Variants in ADAMTSL3 observed in about 807,000 individuals in gnomAD.
The protein encoded by ADAMTSL3 is ADAMTS like 3, also known as ADAMTS-like protein 3.
ADAMTSL3 carries 128 observed loss-of-function variants against 201.7 expected under a neutral mutation model. The ratio of observed to expected loss-of-function variants is 0.63; its 90% CI spans 0.55 to 0.73. The LOEUF is 0.73. Among genes scored for constraint, ADAMTSL3 ranks in the 30% least tolerant of loss-of-function variants. ADAMTSL3 has a pLI of 0.00. For synonymous variants in ADAMTSL3, 738 were observed against 748.4 expected (o/e 0.99, Z 0.23); for missense variants, 1,990 against 2,119.6 (o/e 0.94, Z 1.20).
At position 83,794,544 on chromosome 15, in the gene ADAMTSL3, T is replaced by C. The variant is rs142520630; in HGVS notation, c.318-10106T>C. ...TCTCCAGAAAATTACAATGAAGTTA[T>C]AAAAATCCAATCTCTAAAGCTTACA... On this transcript the variant is annotated intron_variant, in intron 4 of 29. Coordinates refer to ENST00000286744, the MANE Select transcript of ADAMTSL3 (RefSeq NM_207517.3). 3.1e-3 allele frequency among the ~76,000 whole-genome samples: 475 copies of C among 152,226 alleles called. 1 individual carries two copies. The highest frequency in any genetic ancestry group is 0.011 in the African/African-American group (458 of 41,544).
At chr15:83,835,456 C>T (rs2064249692) in intron 6 of ADAMTSL3, among the ~76,000 whole-genome samples, 1 of 152,096 alleles carries the variant, frequency 6.6e-6, no homozygotes, top group Non-Finnish European at 1.5e-5. Flanking sequence ...AAGCAAATAT[C>T]AGTGCTCAGG....
intron 6 of ADAMTSL3, among the ~76,000 whole-genome samples, chr15:83,826,997 A>G (rs1173500772): frequency 6.6e-6 from 1 of 152,170 alleles, no homozygotes; most frequent in Non-Finnish European, 1.5e-5. Flanking sequence ...TTATAGCAGC[A>G]TGATTTATAA....
chr15:83,822,108 C>T (rs577667066), intron 6 of ADAMTSL3, among the ~76,000 whole-genome samples: 14 of 144,160 alleles, frequency 9.7e-5, no homozygotes, highest in East Asian at 4.4e-4. Flanking sequence ...CCGGACGGGG[C>T]GCCTGGCCGG....
chr15:83,886,713 G>T (rs1232626060), intron 10 of ADAMTSL3, among the ~76,000 whole-genome samples: 1 of 152,118 alleles, frequency 6.6e-6, no homozygotes, highest in Non-Finnish European at 1.5e-5. Flanking sequence ...AATTTACTTA[G>T]AGTCAGAAAC....
chr15:83,704,910 G>T (rs981823265), intron 3 of ADAMTSL3, among the ~76,000 whole-genome samples: 13 of 151,904 alleles, frequency 8.6e-5, no homozygotes, highest in African/African-American at 2.9e-4. Flanking sequence ...TTTTCCCCAA[G>T]ATTACTTTTC....
intron 7 of ADAMTSL3, among the ~76,000 whole-genome samples, chr15:83,854,609 G>A (rs898234830): frequency 5.9e-5 from 9 of 152,100 alleles, no homozygotes; most frequent in African/African-American, 2.2e-4. Context: ...AAATATTCTG[G>A]CTTGCAACAG....
At chr15:83,976,665 T>C (rs2067293912) in intron 20 of ADAMTSL3, among the ~76,000 whole-genome samples, 2 of 151,780 alleles carry the variant, frequency 1.3e-5, no homozygotes, top group Non-Finnish European at 2.9e-5. Context: ...ACGTGCACAG[T>C]TCACAGTAGG....
At chr15:84,034,339 A>G (rs1046413999) in intron 28 of ADAMTSL3, among the ~76,000 whole-genome samples, 2 of 152,142 alleles carry the variant, frequency 1.3e-5, no homozygotes, top group African/African-American at 2.4e-5. Context: ...AGGAAATGTT[A>G]GAGAGTGTTG....
At chr15:83,714,866 CT>C (rs2061989180) in intron 3 of ADAMTSL3, among the ~76,000 whole-genome samples, 1 of 19,546 alleles carries the variant, frequency 5.1e-5, no homozygotes, top group Non-Finnish European at 7.4e-5. Context: ...CCCTCCCTCC[CT>C]CCCTCCCTCC....
At chr15:83,826,741 A>G (rs1169923020) in intron 6 of ADAMTSL3, among the ~76,000 whole-genome samples, 1 of 144,454 alleles carries the variant, frequency 6.9e-6, no homozygotes, top group Non-Finnish European at 1.5e-5. Flanking sequence ...GTTCCCACCT[A>G]TGAGTGAGAA....
chr15:83,753,035 A>G (rs1269199623), intron 3 of ADAMTSL3, among the ~76,000 whole-genome samples: 1 of 152,116 alleles, frequency 6.6e-6, no homozygotes, highest in Non-Finnish European at 1.5e-5. Context: ...TTTATCTTCC[A>G]GTGAGATTAA....
intron 7 of ADAMTSL3, among the ~76,000 whole-genome samples, chr15:83,841,566 C>T (rs958140864): frequency 7.9e-5 from 12 of 151,898 alleles, no homozygotes; most frequent in East Asian, 1.9e-4. Context: ...CTCCAAATAG[C>T]GTAGTAACTA....
chr15:83,729,482 G>A (rs1259434731), intron 3 of ADAMTSL3, among the ~76,000 whole-genome samples: 1 of 151,212 alleles, frequency 6.6e-6, no homozygotes, highest in Non-Finnish European at 1.5e-5. Context: ...TTTTCAAATA[G>A]CCTGTCTTCA....
intron 9 of ADAMTSL3, among the ~76,000 whole-genome samples, chr15:83,876,879 A>G (rs557625872): frequency 1.4e-4 from 21 of 152,262 alleles, no homozygotes; most frequent in African/African-American, 5.1e-4. Context: ...TGCAACCTCC[A>G]CCTCATGGGT....
intron 2 of ADAMTSL3, among the ~76,000 whole-genome samples, chr15:83,690,099 A>G (rs1361113349): frequency 6.6e-6 from 1 of 152,050 alleles, no homozygotes; most frequent in Non-Finnish European, 1.5e-5. Context: ...GTTCTGAGAT[A>G]TGTTATTTTG....
chr15:83,975,159 G>A (rs1397654963), intron 20 of ADAMTSL3, among the ~76,000 whole-genome samples: 7 of 152,034 alleles, frequency 4.6e-5, no homozygotes, highest in East Asian at 3.9e-4. Context: ...CTGCTACCAT[G>A]CCCGGCTAAT....
intron 4 of ADAMTSL3, among the ~76,000 whole-genome samples, chr15:83,774,937 C>A (rs868723025): frequency 2.6e-5 from 4 of 151,852 alleles, no homozygotes; most frequent in Middle Eastern, 3.4e-3. Flanking sequence ...ACCTCTGTCT[C>A]CCAGGTTCAC....
In ADAMTSL3 at chr15:83,892,794, A is replaced by T; in HGVS notation, c.1373A>T (p.Glu458Val). 6.2e-7 allele frequency: 1 copy of T among 1,614,160 alleles called. No homozygotes were observed. The highest frequency in any genetic ancestry group is 8.5e-7 in the Non-Finnish European group (1 of 1,180,010). The change falls in exon 13 of 30, where the codon GAA (glutamate) becomes GTA (valine). Residue 458 changes from glutamate (E) to valine (V), a missense_variant. Glu to Val is a moderately radical substitution (Grantham distance 121). Coordinates refer to ENST00000286744, the MANE Select transcript of ADAMTSL3 (RefSeq NM_207517.3). ...ESMHGEILQV[E>V]EWKCMYAPKP... ...ATGCATGGAGAGATATTGCAGGTGG[A>T]AGAATGGAAGTGCATGTACGCACCC...
At chr15:83,750,676 C>A (rs1421690827) in intron 3 of ADAMTSL3, among the ~76,000 whole-genome samples, 6 of 152,030 alleles carry the variant, frequency 3.9e-5, no homozygotes, top group Non-Finnish European at 5.9e-5. Context: ...CTCAGCCTCC[C>A]GAATAGCTGG....
Sources: allele counts gnomAD v4.1 joint callset (sites outside exome capture counted in the v4.1 genomes callset), GRCh38; gene constraint gnomAD v4.1.1; transcripts MANE v1.5; gene names NCBI Gene and HGNC (gene_info 2026-07-23, HGNC 2026-07-21).